SLC9A9: variants seen among roughly 807,000 people sequenced by gnomAD.
SLC9A9 encodes solute carrier family 9 member A9, also known as sodium/hydrogen exchanger 9.
A neutral mutation model predicts 77.8 loss-of-function variants in SLC9A9; 62 were observed. The ratio of observed to expected loss-of-function variants is 0.80; its 90% CI spans 0.65 to 0.98. The LOEUF (loss-of-function observed/expected upper bound fraction) is 0.98. Ranked by LOEUF, SLC9A9 falls within the 50% of genes least tolerant of loss-of-function variation. The pLI is 0.00. For synonymous variants in SLC9A9, 320 were observed against 283.5 expected (o/e 1.13, Z -1.29); for missense variants, 775 against 774.9 (o/e 1.00, Z 0.00).
chr3:143,540,950 A>C (rs1175928037), intron 9 of SLC9A9, among the ~76,000 whole-genome samples: 1 of 152,222 alleles, frequency 6.6e-6, no homozygotes, highest in Admixed American at 6.5e-5. Context: ...TTGAATGAAG[A>C]AGCAGAAAAC....
At position 143,795,053 on chromosome 3, in the gene SLC9A9, A is replaced by G. The variant is rs201860661; in HGVS notation, c.481T>C (p.Ser161Pro). 1.9e-6 allele frequency: 3 copies of G among 1,613,738 alleles called. No homozygotes were observed. Among genetic ancestry groups the G allele is most frequent in the Non-Finnish European group, 2.5e-6 (3 of 1,179,876 alleles). The change falls in exon 4 of 16, where the codon TCT (serine) becomes CCT (proline). Residue 161 changes from serine to proline, a missense_variant. By Grantham distance (74) the Ser-to-Pro change is moderately conservative. Transcript: ENST00000316549. The stretch of plus-strand genomic sequence containing the variant: ...CCCAAGAAGGCATACGTTAAAATAG[A>G]TCCTAAGTTTTGAAAAAAGTGTCTC... ...KKRHFFQNLGSILTYAFLGTA... is the reference protein window; with the variant it reads ...KKRHFFQNLGPILTYAFLGTA...
intron 5 of SLC9A9, chr3:143,655,546 G>T (rs1042336954): frequency 1.0e-6 from 1 of 985,162 alleles, no homozygotes; most frequent in African/African-American, 1.7e-5. Context: ...CTTGTGGCTT[G>T]GAGTTCCTTC....
intron 4 of SLC9A9, among the ~76,000 whole-genome samples, chr3:143,737,847 C>T (rs938424746): frequency 6.6e-6 from 1 of 152,046 alleles, no homozygotes; most frequent in Admixed American, 6.6e-5. Context: ...GAGATTTTAC[C>T]ATCAGCAACA....
rs1470443800 is a variant in SLC9A9, at chr3:143,493,569, G to T, written c.1315+84C>A. On this transcript the variant is annotated intron_variant, in intron 11 of 15. Transcript: ENST00000316549. ...TAAAGAGAAGTTGTTTCCCCAAAAG[G>T]GTTCTAAATTTTCTCATGGTTTTTC... The T allele has an allele frequency of 7.3e-6, 9 of 1,240,944 alleles. No homozygotes were observed. The East Asian group carries it at 2.1e-4, about 29-fold the overall frequency. 76.9% of individuals were successfully genotyped at this position (1,240,944 alleles called of 1,614,324 possible). A position where few individuals can be genotyped will look rare whatever the true frequency, so the allele number is the denominator to read the frequency against.
chr3:143,385,105 A>G (rs1172994224), intron 12 of SLC9A9, among the ~76,000 whole-genome samples: 9 of 151,820 alleles, frequency 5.9e-5, no homozygotes, highest in Admixed American at 5.2e-4. Flanking sequence ...AGGTGTATGA[A>G]CCTTTTTATG....
At chr3:143,601,404 A>G (rs774605877) in intron 6 of SLC9A9, among the ~76,000 whole-genome samples, 1 of 152,214 alleles carries the variant, frequency 6.6e-6, no homozygotes, top group Non-Finnish European at 1.5e-5. Context: ...TCATATTCCC[A>G]TGAAATAAAT....
intron 12 of SLC9A9, among the ~76,000 whole-genome samples, chr3:143,443,845 T>C (rs935437813): frequency 3.9e-5 from 6 of 152,174 alleles, no homozygotes; most frequent in Middle Eastern, 3.2e-3. Flanking sequence ...TGAATTGTAG[T>C]TTTCTTGGCC....
intron 5 of SLC9A9, among the ~76,000 whole-genome samples, chr3:143,683,169 C>T (rs972360641): frequency 1.3e-5 from 2 of 152,040 alleles, no homozygotes; most frequent in Non-Finnish European, 2.9e-5. Flanking sequence ...CTGTACATTC[C>T]ATTTAGATGA....
intron 2 of SLC9A9, among the ~76,000 whole-genome samples, chr3:143,820,786 C>A (rs2009145765): frequency 6.6e-6 from 1 of 151,232 alleles, no homozygotes; most frequent in African/African-American, 2.4e-5. Flanking sequence ...TGATTTCTTT[C>A]TTTTTTCCAA....
intron 4 of SLC9A9, among the ~76,000 whole-genome samples, chr3:143,752,520 A>G (rs2006766524): frequency 6.6e-6 from 1 of 152,156 alleles, no homozygotes; most frequent in African/African-American, 2.4e-5. Context: ...GAACATTGCA[A>G]GAAAGAAAGA....
intron 9 of SLC9A9, among the ~76,000 whole-genome samples, chr3:143,545,077 T>C (rs1389705546): frequency 6.6e-6 from 1 of 152,256 alleles, no homozygotes; most frequent in East Asian, 1.9e-4. Flanking sequence ...TGTAGCCTTA[T>C]AGTATGGTTT....
intron 4 of SLC9A9, among the ~76,000 whole-genome samples, chr3:143,745,131 A>T (rs948247435): frequency 1.1e-4 from 17 of 152,230 alleles, no homozygotes; most frequent in Non-Finnish European, 1.8e-4. Flanking sequence ...TGACTGACAT[A>T]TGAAATATAC....
Position 143,467,086 on chromosome 3 carries a change from A to G in SLC9A9, c.1420T>C (p.Trp474Arg). The G allele has an allele frequency of 6.2e-7, 1 of 1,614,082 alleles. No homozygotes were observed. Among genetic ancestry groups the G allele is most frequent in the Non-Finnish European group, 8.5e-7 (1 of 1,179,978 alleles). ...TTLLLVFFTV[W>R]VFGGGTTPML... ...GGGGTTGTTCCTCCTCCAAATACCCAGACAGTGAAGAACACGAGGAGCAGC... is the reference window on the plus strand; with the variant it reads ...GGGGTTGTTCCTCCTCCAAATACCCGGACAGTGAAGAACACGAGGAGCAGC... The change falls in exon 12 of 16, where the codon TGG becomes CGG. Residue 474 changes from tryptophan to arginine, a missense_variant. Physicochemically the swap from Trp to Arg is moderately radical, Grantham distance 101. Coordinates refer to ENST00000316549, the MANE Select transcript of SLC9A9 (RefSeq NM_173653.4).
intron 4 of SLC9A9, among the ~76,000 whole-genome samples, chr3:143,718,522 G>A (rs1327415963): frequency 1.3e-5 from 2 of 152,188 alleles, no homozygotes; most frequent in South Asian, 2.1e-4. Context: ...AGGTTCAGCT[G>A]TGTCCCAGCC....
intron 4 of SLC9A9, among the ~76,000 whole-genome samples, chr3:143,778,918 TAGA>T (rs1291959828): frequency 6.6e-6 from 1 of 152,210 alleles, no homozygotes; most frequent in Non-Finnish European, 1.5e-5. Context: ...TAATTTTCTC[TAGA>T]GATTACCCAC....
chr3:143,436,377 C>T (rs559723573), intron 12 of SLC9A9, among the ~76,000 whole-genome samples: 16 of 152,316 alleles, frequency 1.1e-4, no homozygotes, highest in African/African-American at 3.8e-4. Context: ...CACTAGGAGG[C>T]CCTGTTGCTC....
chr3:143,578,028 A>T (rs1421672268), intron 7 of SLC9A9, among the ~76,000 whole-genome samples: 1 of 152,196 alleles, frequency 6.6e-6, no homozygotes, highest in Non-Finnish European at 1.5e-5. Context: ...AAAAGGAATC[A>T]AATGACATGA....
chr3:143,612,116 C>T (rs1027535453), intron 6 of SLC9A9, among the ~76,000 whole-genome samples: 1 of 152,142 alleles, frequency 6.6e-6, no homozygotes, highest in Non-Finnish European at 1.5e-5. Context: ...GCCAAGATAG[C>T]CTCTTAGCTT....
At chr3:143,805,633 G>T (rs1051255198) in intron 2 of SLC9A9, among the ~76,000 whole-genome samples, 1 of 151,998 alleles carries the variant, frequency 6.6e-6, no homozygotes, top group Non-Finnish European at 1.5e-5. Context: ...GGTGAAAATG[G>T]CCCATTCCTG....
Sources: allele counts gnomAD v4.1 joint callset (sites outside exome capture counted in the v4.1 genomes callset), GRCh38; gene constraint gnomAD v4.1.1; transcripts MANE v1.5; gene names NCBI Gene and HGNC (gene_info 2026-07-23, HGNC 2026-07-21).